ERI3: variants seen among roughly 807,000 people sequenced by gnomAD.
ERI3 encodes ERI1 exoribonuclease 3.
Under a neutral mutation model 44.4 loss-of-function variants are expected in ERI3, and 18 were observed. The ratio of observed to expected loss-of-function variants is 0.41; its 90% CI spans 0.28 to 0.60. ERI3 has a LOEUF of 0.60. Among genes scored for constraint, ERI3 ranks in the 20% least tolerant of loss-of-function variants. ERI3 has a pLI of 0.36. For synonymous variants in ERI3, 183 were observed against 164.8 expected (o/e 1.11, Z -0.84); for missense variants, 294 against 435.5 (o/e 0.68, Z 2.89).
intron 2 of ERI3, among the ~76,000 whole-genome samples, chr1:44,351,690 G>C (rs1253704784): frequency 6.6e-6 from 1 of 152,226 alleles, no homozygotes; most frequent in Non-Finnish European, 1.5e-5. Context: ...TAAGGCTAAG[G>C]CTCTGGCCTC....
At chr1:44,231,488 A>T (rs1644182507) in intron 8 of ERI3, among the ~76,000 whole-genome samples, 1 of 152,072 alleles carries the variant, frequency 6.6e-6, no homozygotes, top group Non-Finnish European at 1.5e-5. Context: ...ATCCTCCTGC[A>T]TCAGCCTCCC....
chr1:44,289,594 C>T (rs1645461979), intron 6 of ERI3, among the ~76,000 whole-genome samples: 1 of 152,234 alleles, frequency 6.6e-6, no homozygotes, highest in Admixed American at 6.5e-5. Flanking sequence ...GCCCCTCACC[C>T]CTATAAGCAC....
intron 6 of ERI3, among the ~76,000 whole-genome samples, chr1:44,298,845 G>A (rs1184326758): frequency 6.6e-6 from 1 of 152,224 alleles, no homozygotes; most frequent in Non-Finnish European, 1.5e-5. Flanking sequence ...TTGAGCCCAC[G>A]GAGGTAGAGG....
chr1:44,311,366 T>C (rs1404926022), intron 5 of ERI3, among the ~76,000 whole-genome samples: 1 of 152,030 alleles, frequency 6.6e-6, no homozygotes, highest in African/African-American at 2.4e-5. Context: ...GGCTGCCTGC[T>C]AAGGGCCTTG....
chr1:44,279,737 T>C (rs139237083), intron 7 of ERI3, among the ~76,000 whole-genome samples: 3 of 152,242 alleles, frequency 2.0e-5, no homozygotes, highest in Admixed American at 6.5e-5. Flanking sequence ...GGGGTCATCA[T>C]GGTCTCTTCC....
At chr1:44,295,901 T>C (rs1196610233) in intron 6 of ERI3, among the ~76,000 whole-genome samples, 1 of 152,172 alleles carries the variant, frequency 6.6e-6, no homozygotes, top group Non-Finnish European at 1.5e-5. Context: ...TGGCTTCCTG[T>C]AGCCTGTAAA....
chr1:44,354,880 A>C lies in ERI3; in HGVS notation c.135+12T>G. 7.6e-7 allele frequency: 1 copy of C among 1,315,514 alleles called. No homozygotes were observed. The highest frequency in any genetic ancestry group is 9.8e-7 in the Non-Finnish European group (1 of 1,023,386). 81.5% of individuals were successfully genotyped at this position (1,315,514 alleles called of 1,614,324 possible). A position where few individuals can be genotyped will look rare whatever the true frequency, so the allele number is the denominator to read the frequency against. ...GGGCCCAATCTTGGCGGGGCCATTC[A>C]GCATCACCCACCCCGGGGTGTTGCC... On this transcript the variant is annotated intron_variant, in intron 1 of 8. Coordinates refer to ENST00000372257, the MANE Select transcript of ERI3 (RefSeq NM_024066.3).
At chr1:44,297,550 C>T (rs543869292) in intron 6 of ERI3, among the ~76,000 whole-genome samples, 2 of 152,158 alleles carry the variant, frequency 1.3e-5, no homozygotes, top group African/African-American at 4.8e-5. Context: ...TCTGCCAGCC[C>T]CAGTTCAGGA....
At chr1:44,293,610 A>G (rs895220990) in intron 6 of ERI3, among the ~76,000 whole-genome samples, 10 of 152,238 alleles carry the variant, frequency 6.6e-5, no homozygotes, top group African/African-American at 2.4e-4. Flanking sequence ...CACAGATGTC[A>G]GGAGCCAGAG....
intron 6 of ERI3, 138 bp downstream of exon 6, chr1:44,308,172 G>A (rs569438093): frequency 2.7e-4 from 188 of 693,664 alleles, no homozygotes; most frequent in Non-Finnish European, 4.3e-4. Context: ...GCTCCCAACC[G>A]TCTTCTATCC....
chr1:44,319,508 T>C, intron 4 of ERI3, 120 bp downstream of exon 4: 1 of 680,990 alleles, frequency 1.5e-6, no homozygotes, highest in Non-Finnish European at 2.6e-6. Flanking sequence ...CTAGGTCTAG[T>C]GTGCACTTGC....
intron 6 of ERI3, among the ~76,000 whole-genome samples, chr1:44,288,425 G>A (rs1052281007): frequency 2.0e-5 from 3 of 152,170 alleles, no homozygotes; most frequent in Non-Finnish European, 4.4e-5. Context: ...GAGAGACATA[G>A]GGTCAAATGC....
intron 7 of ERI3, among the ~76,000 whole-genome samples, chr1:44,280,987 T>C (rs978357268): frequency 6.6e-6 from 1 of 152,202 alleles, no homozygotes; most frequent in African/African-American, 2.4e-5. Context: ...ACACAAATTC[T>C]TTCTCCTCTT....
chr1:44,234,143 C>T lies in ERI3; in HGVS notation c.932-12503G>A, dbSNP rs1006434498. 2.6e-5 allele frequency among the ~76,000 whole-genome samples: 4 copies of T among 152,120 alleles called. No homozygotes were observed. In the East Asian group the frequency reaches 5.8e-4, roughly 22 times the overall value. Reference sequence around the variant, plus strand: ...GTCTCTTCCCTTCTCACTCTCTCTCCGTGGGCAAACTTATCCCCTCCTGGA... The same window carrying T: ...GTCTCTTCCCTTCTCACTCTCTCTCTGTGGGCAAACTTATCCCCTCCTGGA... On this transcript the variant is annotated intron_variant, in intron 8 of 8. Transcript: ENST00000372257.
intron 6 of ERI3, among the ~76,000 whole-genome samples, chr1:44,292,305 G>A (rs1645523858): frequency 6.6e-6 from 1 of 152,132 alleles, no homozygotes; most frequent in Non-Finnish European, 1.5e-5. Flanking sequence ...AGCACCTTGG[G>A]ACTCATTCTC....
chr1:44,257,074 C>T (rs564932599), intron 7 of ERI3, among the ~76,000 whole-genome samples: 2 of 152,244 alleles, frequency 1.3e-5, no homozygotes, highest in African/African-American at 2.4e-5. Flanking sequence ...TCTTTTTAGC[C>T]AGCCCTTTCC....
intron 4 of ERI3, among the ~76,000 whole-genome samples, chr1:44,317,418 T>C (rs1418340989): frequency 1.3e-5 from 2 of 152,170 alleles, no homozygotes; most frequent in Non-Finnish European, 2.9e-5. Context: ...GGGCAAAATA[T>C]ATATGATCTG....
Position 44,241,956 on chromosome 1 carries a change from GAAC to G in ERI3, c.931+5980_931+5982del. On this transcript the variant is annotated intron_variant, in intron 8 of 8. Coordinates refer to ENST00000372257, the MANE Select transcript of ERI3 (RefSeq NM_024066.3). The surrounding 1 kb of genome is among the most constrained non-coding windows in gnomAD (Gnocchi z 5.6). ...TCTTCCATCTATGGTTGCTACTGAA[GAAC>G]AGTCTGGTGTCTGGCAAGAACCAAT... 1.0e-6 allele frequency: 1 copy of G among 985,658 alleles called. No homozygotes were observed. The highest frequency in any genetic ancestry group is 1.2e-6 in the Non-Finnish European group (1 of 829,982). The allele number at this position is 985,658 out of a possible 1,614,324, so 61.1% of individuals were successfully genotyped here.
At chr1:44,307,403 T>TCAAACACACACACA (rs1015909840) in intron 6 of ERI3, among the ~76,000 whole-genome samples, 2 of 151,838 alleles carry the variant, frequency 1.3e-5, no homozygotes, top group Non-Finnish European at 2.9e-5. Flanking sequence ...GCTCAAAAGT[T>TCAAACACACACACA]CAAACACACA....
Sources: allele counts gnomAD v4.1 joint callset (sites outside exome capture counted in the v4.1 genomes callset), GRCh38; gene constraint gnomAD v4.1.1; non-coding constraint Gnocchi (gnomAD v3.1); transcripts MANE v1.5; gene names NCBI Gene and HGNC (gene_info 2026-07-23, HGNC 2026-07-21).